The following NTRK3 variants were observed in gnomAD, a reference collection of about 807,000 sequenced individuals.
NTRK3 encodes the protein NT-3 growth factor receptor.
A neutral mutation model predicts 91.7 loss-of-function variants in NTRK3; 24 were observed. That is an observed-to-expected ratio of 0.26 (90% CI 0.19 to 0.37). The LOEUF (loss-of-function observed/expected upper bound fraction) is 0.37, where lower values mean the gene tolerates loss of function less well. Ranked by LOEUF, NTRK3 falls within the 10% of genes least tolerant of loss-of-function variation. NTRK3 has a pLI of 1.00. For missense variants in NTRK3, 880 were observed against 1,068.9 expected, an observed-to-expected ratio of 0.82 and a Z score of 2.46; for synonymous variants, 483 against 404.0, an observed-to-expected ratio of 1.20 and a Z score of -2.34.
chr15:88,252,609 T>A (rs2053526061), intron 3 of NTRK3: 1 of 152,406 alleles, frequency 6.6e-6, no homozygotes, highest in African/African-American at 2.4e-5. Flanking sequence ...CAGGTAGGCC[T>A]GGCCTAGCAA....
At chr15:88,180,155 C>G (rs141726274) in intron 5 of NTRK3, among the ~76,000 whole-genome samples, 7 of 152,252 alleles carry the variant, frequency 4.6e-5, no homozygotes, top group African/African-American at 1.7e-4. Context: ...TAATCTTGAC[C>G]ACATCCCATC....
rs1259251976 is a variant in NTRK3 at position 88,237,851 on chromosome 15, A to T, written c.248+18055T>A. Among the ~76,000 whole-genome samples the T allele has an allele frequency of 6.6e-6, 1 of 152,224 alleles. No homozygotes were observed. The highest frequency in any genetic ancestry group is 1.5e-5 in the Non-Finnish European group (1 of 68,040). On this transcript the variant is annotated intron_variant, in intron 3 of 18. Coordinates refer to ENST00000394480, the Ensembl canonical transcript of NTRK3. This position sits in a 1 kb window ranked among gnomAD's most constrained non-coding sequence, Gnocchi z 4.0. Reference sequence around the variant, plus strand: ...TAAAAATGGTGCTTTAAATTTCATCAGGTATGCATTTTTTTGTTTTATGAT... The same window carrying T: ...TAAAAATGGTGCTTTAAATTTCATCTGGTATGCATTTTTTTGTTTTATGAT...
intron 14 of NTRK3, among the ~76,000 whole-genome samples, chr15:87,992,533 T>G (rs2075371523): frequency 6.6e-6 from 1 of 152,258 alleles, no homozygotes; most frequent in South Asian, 2.1e-4. Context: ...TTCATGGATT[T>G]ATTTTTCATT....
At chr15:88,166,346 C>A (rs372490531) in intron 5 of NTRK3, among the ~76,000 whole-genome samples, 1 of 152,214 alleles carries the variant, frequency 6.6e-6, no homozygotes, top group Admixed American at 6.5e-5. Context: ...GCAAACAGAG[C>A]GCAGGCCACC....
chr15:87,902,852 A>G (rs1399029289), intron 17 of NTRK3, among the ~76,000 whole-genome samples: 1 of 152,080 alleles, frequency 6.6e-6, no homozygotes, highest in Non-Finnish European at 1.5e-5. Context: ...CCATGTAAAA[A>G]CCGACATGCC....
intron 14 of NTRK3, among the ~76,000 whole-genome samples, chr15:87,959,412 C>T (rs1018808925): frequency 1.3e-5 from 2 of 152,136 alleles, no homozygotes; most frequent in Non-Finnish European, 2.9e-5. Flanking sequence ...CTGGAAACAT[C>T]AAGCGAGAGC....
intron 17 of NTRK3, chr15:87,928,757 T>C (rs1340705419): frequency 4.2e-6 from 1 of 239,062 alleles, no homozygotes; most frequent in Non-Finnish European, 8.2e-6. Context: ...TCTTACATAA[T>C]CACAAGATAA....
intron 3 of NTRK3, among the ~76,000 whole-genome samples, chr15:88,236,304 AT>A (rs2051725166): frequency 1.3e-5 from 2 of 152,310 alleles, no homozygotes; most frequent in East Asian, 1.9e-4. Flanking sequence ...TCTCACAAAC[AT>A]TTTTGACAAA....
At chr15:88,088,245 C>G (rs962308452) in intron 13 of NTRK3, among the ~76,000 whole-genome samples, 8 of 152,172 alleles carry the variant, frequency 5.3e-5, no homozygotes, top group African/African-American at 1.9e-4. Context: ...GAAAAGCCAG[C>G]AAGACTGAGT....
At chr15:88,074,544 G>T (rs540964623) in intron 13 of NTRK3, among the ~76,000 whole-genome samples, 76 of 152,198 alleles carry the variant, frequency 5.0e-4, no homozygotes, top group Non-Finnish European at 9.8e-4. Context: ...AGCTCCGAGA[G>T]AAGTGGAGAC....
At chr15:87,920,400 G>T (rs2067772087) in intron 17 of NTRK3, among the ~76,000 whole-genome samples, 1 of 152,140 alleles carries the variant, frequency 6.6e-6, no homozygotes. Context: ...GGTAACTAAA[G>T]CTCTGAGCCC....
intron 11 of NTRK3, among the ~76,000 whole-genome samples, chr15:88,127,871 T>A (rs1402203950): frequency 6.6e-6 from 1 of 152,136 alleles, no homozygotes; most frequent in Admixed American, 6.5e-5. Context: ...TAAGTATCAA[T>A]TTTCCCCTCA....
exon 19 of NTRK3, chr15:87,867,098 G>A (rs2064702697): frequency 8.9e-6 from 2 of 225,508 alleles, no homozygotes; most frequent in East Asian, 6.3e-5. Context: ...AAGACAGACT[G>A]AGGCATTATA....
In NTRK3 at chr15:87,952,131, GAAAGA is replaced by G. The variant is rs571140215; in HGVS notation, c.1586-11383_1586-11379del. The stretch of plus-strand genomic sequence containing the variant: ...AACAGAGCAAGATTCCATTTCAAAA[GAAAGA>G]AAAGAAAAGAAAAGAAGGAGAAAGA... On this transcript the variant is annotated intron_variant, in intron 14 of 18. Transcript: ENST00000394480. Among the ~76,000 whole-genome samples the G allele has an allele frequency of 4.9e-4, 61 of 124,470 alleles. 2 individuals carry two copies. Among genetic ancestry groups the G allele is most frequent in the African/African-American group, 1.4e-3 (48 of 33,268 alleles). 81.7% of individuals were successfully genotyped at this position (124,470 alleles called of 152,430 possible). A position where few individuals can be genotyped will look rare whatever the true frequency, so the allele number is the denominator to read the frequency against.
chr15:87,935,630 T>A (rs1456239739), intron 15 of NTRK3, among the ~76,000 whole-genome samples: 1 of 152,036 alleles, frequency 6.6e-6, no homozygotes, highest in African/African-American at 2.4e-5. Flanking sequence ...AATACAAAGA[T>A]TTATGTGAAT....
At chr15:87,909,447 G>T (rs1256020670) in intron 17 of NTRK3, among the ~76,000 whole-genome samples, 1 of 152,196 alleles carries the variant, frequency 6.6e-6, no homozygotes, top group Admixed American at 6.5e-5. Flanking sequence ...GCAGATTCAT[G>T]AAGTAACATG....
At chr15:87,925,797 T>A (rs2068258571) in intron 17 of NTRK3, 1 of 175,236 alleles carries the variant, frequency 5.7e-6, no homozygotes, top group African/African-American at 2.4e-5. Flanking sequence ...ATTCTACTCC[T>A]TTGGAGCAGC....
At chr15:87,996,808 C>T (rs569409781) in intron 14 of NTRK3, among the ~76,000 whole-genome samples, 1 of 152,184 alleles carries the variant, frequency 6.6e-6, no homozygotes. Context: ...TTTAGAGCCA[C>T]TTTAGACTTG....
intron 14 of NTRK3, among the ~76,000 whole-genome samples, chr15:87,950,705 T>C (rs1336613123): frequency 4.6e-5 from 7 of 152,202 alleles, no homozygotes; most frequent in Non-Finnish European, 7.3e-5. Flanking sequence ...AGTGAAATCA[T>C]GTGTACAGTC....
Sources: allele counts gnomAD v4.1 joint callset (sites outside exome capture counted in the v4.1 genomes callset), GRCh38; gene constraint gnomAD v4.1.1; non-coding constraint Gnocchi (gnomAD v3.1); transcripts MANE v1.5; gene names NCBI Gene and HGNC (gene_info 2026-07-23, HGNC 2026-07-21).